Variants in BRCA2 observed in about 807,000 individuals in gnomAD.
The protein encoded by BRCA2 is BRCA2 DNA repair associated.
BRCA2 carries 203 observed loss-of-function variants against 276.7 expected under a neutral mutation model. That is an observed-to-expected ratio of 0.73 (90% CI 0.65 to 0.82). The LOEUF is 0.82. BRCA2 is among the 40% of genes least tolerant of loss of function. The probability of loss-of-function intolerance (pLI) is 0.00; values close to 1 mark genes in which losing one functional copy is unlikely to be tolerated. For missense variants in BRCA2, 3,920 were observed against 3,915.0 expected, an observed-to-expected ratio of 1.00 and a Z score of -0.03; for synonymous variants, 1,289 against 1,338.4, an observed-to-expected ratio of 0.96 and a Z score of 0.81.
In BRCA2 at chr13:32,379,344, G is replaced by T. The variant is rs587781762; in HGVS notation, c.8782G>T (p.Ala2928Ser). ...TTATTTCAGTGAAGAGCAGTTAAGA[G>T]CCTTGAATAATCACAGGCAAATGTT... ...EGYFSEEQLR[A>S]LNNHRQMLND... Residue 2928 changes from alanine (A) to serine (S), a missense_variant, in exon 22 of 27, where the codon GCC becomes TCC. Around this residue, in one of 2 missense-constraint regions of BRCA2, gnomAD observed 657 missense variants for 758.2 expected, o/e 0.87. Coordinates refer to ENST00000380152, the MANE Select transcript of BRCA2 (RefSeq NM_000059.4). 2.5e-6 allele frequency: 4 copies of T among 1,613,660 alleles called. No individual in the cohort carries two copies. Among genetic ancestry groups the T allele is most frequent in the Non-Finnish European group, 2.5e-6 (3 of 1,179,852 alleles).
intron 18 of BRCA2, 93 bp downstream of exon 18, chr13:32,363,626 G>A (rs2137583563): frequency 8.7e-7 from 1 of 1,149,296 alleles, no homozygotes. Context: ...TACTAAGGAT[G>A]CTCAATTTCT....
rs775564742 is a variant in BRCA2 at position 32,376,674 on chromosome 13, C to G, written c.8637C>G (p.Asn2879Lys). ...IQEEFEEHEENTTKPYLPSRA... is the reference protein window; with the variant it reads ...IQEEFEEHEEKTTKPYLPSRA... Reference sequence around the variant, plus strand: ...ATAATCCTTTTGTTTTCTTAGAAAACACAACAAAACCATATTTACCATCAC... The same window carrying G: ...ATAATCCTTTTGTTTTCTTAGAAAAGACAACAAAACCATATTTACCATCAC... The change falls in exon 21 of 27, where the codon AAC (asparagine) becomes AAG (lysine). Residue 2879 changes from asparagine (N) to lysine (K), a missense_variant. By Grantham distance (94) the Asn-to-Lys change is moderately conservative. This residue lies in a region of BRCA2 where 657 missense variants were observed against 758.2 expected (regional missense o/e 0.87). Transcript: ENST00000380152. The G allele has an allele frequency of 6.2e-7, 1 of 1,613,930 alleles. No homozygotes were observed. The highest frequency in any genetic ancestry group is 8.5e-7 in the Non-Finnish European group (1 of 1,179,948).
rs11571604 is a variant in BRCA2 at position 32,324,055 on chromosome 13, A to G, written c.317-1021A>G. Among the ~76,000 whole-genome samples, 588 of 152,346 alleles carry G rather than the reference A, an allele frequency of 3.9e-3. 2 individuals are homozygous for G. The highest frequency in any genetic ancestry group is 0.02 in the Middle Eastern group (6 of 294). On this transcript the variant is annotated intron_variant, in intron 3 of 26. Coordinates refer to ENST00000380152, the MANE Select transcript of BRCA2 (RefSeq NM_000059.4). ...TATATCCAATTTATTCATCCAGTCA[A>G]TATTTCAGGAGTGACTAATATACCA...
At position 32,336,908 on chromosome 13, in the gene BRCA2, C is replaced by T. The variant is rs2072460002; in HGVS notation, c.2553C>T (p.Phe851=). 6.2e-7 allele frequency: 1 copy of T among 1,607,778 alleles called. No homozygotes were observed. The highest frequency in any genetic ancestry group is 8.5e-7 in the Non-Finnish European group (1 of 1,178,562). The change falls in exon 11 of 27, where the codon TTC becomes TTT. Residue 851 remains phenylalanine, a synonymous_variant. Coordinates refer to ENST00000380152, the MANE Select transcript of BRCA2 (RefSeq NM_000059.4). ...RVASPSRKVQ[F]NQNTNLRVIQ... is the part of the protein sequence containing the mutation. ...CATCACCTTCAAGAAAGGTACAATT[C>T]AACCAAAACACAAATCTAAGAGTAA...
rs11571659 is a variant in BRCA2 at position 32,340,767 on chromosome 13, G to T, written c.6412G>T (p.Val2138Phe). 6.1e-4 allele frequency: 967 copies of T among 1,597,802 alleles called. 6 individuals carry two copies. The African/African-American group carries it at 0.011, about 19-fold the overall frequency. The change falls in exon 11 of 27, where the codon GTT becomes TTT. Residue 2138 changes from valine to phenylalanine, a missense_variant. By Grantham distance (50) the Val-to-Phe change is conservative. This residue lies in a region of BRCA2 where 3,263 missense variants were observed against 3,156.9 expected (regional missense o/e 1.03). Coordinates refer to ENST00000380152, the MANE Select transcript of BRCA2 (RefSeq NM_000059.4). ...ATTTAAATTATCAAATAACTTAAAT[G>T]TTGAAGGTGGTTCTTCAGAAAATAA... ...KEFKLSNNLN[V>F]EGGSSENNHS...
intron 12 of BRCA2, among the ~76,000 whole-genome samples, chr13:32,346,624 G>A (rs1803614582): frequency 1.3e-5 from 2 of 152,048 alleles, no homozygotes; most frequent in Admixed American, 1.3e-4. Context: ...TCTGTTGTAT[G>A]CTTGTACTGT....
rs80358987 is a variant in BRCA2, at chr13:32,356,590, C to T, written c.7598C>T (p.Ser2533Phe). The T allele has an allele frequency of 6.2e-7, 1 of 1,614,196 alleles. No homozygotes were observed. Among genetic ancestry groups the T allele is most frequent in the East Asian group, 2.2e-5 (1 of 44,888 alleles). The change falls in exon 15 of 27, where the codon TCT (serine) becomes TTT (phenylalanine). Residue 2533 changes from serine (S) to phenylalanine (F), a missense_variant. By Grantham distance (155) the Ser-to-Phe change is radical (BLOSUM62 -2). This residue lies in a region of BRCA2 where 3,263 missense variants were observed against 3,156.9 expected (regional missense o/e 1.03). Transcript: ENST00000380152. ...LKAAVGGQVP[S>F]ACSHKQLYTY... is the part of the protein sequence containing the mutation. ...GCAGCAGTAGGAGGCCAAGTTCCCT[C>T]TGCGTGTTCTCATAAACAGGTATGT...
chr13:32,392,077 A>G (rs2073000487), intron 24 of BRCA2, among the ~76,000 whole-genome samples: 1 of 152,234 alleles, frequency 6.6e-6, no homozygotes, highest in Non-Finnish European at 1.5e-5. Flanking sequence ...AAAATGGAAC[A>G]TGCTTGAGAA....
intron 13 of BRCA2, among the ~76,000 whole-genome samples, chr13:32,348,348 C>T (rs1232802929): frequency 6.8e-6 from 1 of 147,318 alleles, no homozygotes; most frequent in Non-Finnish European, 1.5e-5. Flanking sequence ...AAAGGGCCCA[C>T]TGAGTGAGCA....
chr13:32,371,946 A>G (rs547885212), intron 20 of BRCA2, among the ~76,000 whole-genome samples: 1 of 152,346 alleles, frequency 6.6e-6, no homozygotes, highest in African/African-American at 2.4e-5. Flanking sequence ...CTGAGCCTTC[A>G]GTGAGTTGTA....
chr13:32,364,139 T>C (rs1364244295), intron 18 of BRCA2, among the ~76,000 whole-genome samples: 1 of 152,228 alleles, frequency 6.6e-6, no homozygotes, highest in East Asian at 1.9e-4. Flanking sequence ...GTTGGATTGA[T>C]TGCTTTTTAC....
chr13:32,348,952 G>A (rs2072629167), intron 13 of BRCA2, among the ~76,000 whole-genome samples: 3 of 152,170 alleles, frequency 2.0e-5, no homozygotes, highest in Non-Finnish European at 2.9e-5. Flanking sequence ...GCCAGGCACA[G>A]TGGCTTACAC....
chr13:32,332,130 G>T, intron 9 of BRCA2, 142 bp from the exon 10 acceptor site: 1 of 789,850 alleles, frequency 1.3e-6, no homozygotes, highest in Non-Finnish European at 1.8e-6. Flanking sequence ...AAAATGCCAA[G>T]TACTCAGAAT....
At chr13:32,370,906 T>C in intron 19 of BRCA2, 50 bp from the exon 20 acceptor site, 2 of 1,610,414 alleles carry the variant, frequency 1.2e-6, no homozygotes, top group Non-Finnish European at 1.7e-6. Flanking sequence ...TACAATTAAC[T>C]TGAATGTTAT....
intron 13 of BRCA2, among the ~76,000 whole-genome samples, chr13:32,352,330 G>A (rs2072658856): frequency 6.6e-6 from 1 of 151,694 alleles, no homozygotes; most frequent in African/African-American, 2.4e-5. Context: ...ATAGTTTAAT[G>A]TATTTAACAA....
chr13:32,399,074 G>C lies in BRCA2; in HGVS notation c.*304G>C. On this transcript the variant is annotated 3_prime_UTR_variant, in exon 27 of 27. Transcript: ENST00000380152. ...CCAACACTTTGAGAAGCTGAGGTGG[G>C]AGGAGTGCTTGAGGCCAGGAGTTCA... The C allele has an allele frequency of 2.9e-6, 1 of 339,764 alleles. No homozygotes were observed. 21.0% of individuals were successfully genotyped at this position (339,764 alleles called of 1,614,324 possible).
chr13:32,395,221 A>G (rs1228029710), intron 25 of BRCA2, among the ~76,000 whole-genome samples: 1 of 152,218 alleles, frequency 6.6e-6, no homozygotes, highest in East Asian at 1.9e-4. Context: ...CAAGAATAAT[A>G]TGAGTTATCT....
At chr13:32,328,730 A>G (rs987761803) in intron 7 of BRCA2, among the ~76,000 whole-genome samples, 1 of 152,216 alleles carries the variant, frequency 6.6e-6, no homozygotes, top group African/African-American at 2.4e-5. Flanking sequence ...TATACTTAAC[A>G]CTAAAAAATT....
intron 18 of BRCA2, among the ~76,000 whole-genome samples, chr13:32,368,800 T>G (rs1005197140): frequency 2.6e-3 from 70 of 26,728 alleles, no homozygotes; most frequent in African/African-American, 0.01. Context: ...GTTTTTTTGT[T>G]TTTTTTTTGG....
Sources: gnomAD v4.1 joint callset for allele counts (sites outside exome capture counted in the v4.1 genomes callset) on GRCh38, gnomAD v4.1.1 for gene constraint, gnomAD v4.1.1 regional missense constraint, MANE v1.5 for transcripts, NCBI Gene and HGNC (gene_info 2026-07-23, HGNC 2026-07-21) for gene names.